MAGI2: variants seen among roughly 807,000 people sequenced by gnomAD.
MAGI2 encodes membrane associated guanylate kinase, WW and PDZ domain containing 2.
Under a neutral mutation model 133.3 loss-of-function variants are expected in MAGI2, and 35 were observed. The observed-to-expected ratio is 0.26, with a 90% CI of 0.20 to 0.35. The LOEUF (loss-of-function observed/expected upper bound fraction) is 0.35. Ranked by LOEUF, MAGI2 falls within the 10% of genes least tolerant of loss-of-function variation. The probability of loss-of-function intolerance (pLI) is 1.00; values close to 1 mark genes in which losing one functional copy is unlikely to be tolerated. For missense variants in MAGI2, 1,636 were observed against 1,863.4 expected, an observed-to-expected ratio of 0.88 and a Z score of 2.25; for synonymous variants, 729 against 710.6, an observed-to-expected ratio of 1.03 and a Z score of -0.41.
intron 1 of MAGI2, among the ~76,000 whole-genome samples, chr7:79,249,900 C>T (rs958201230): frequency 6.6e-6 from 1 of 152,000 alleles, no homozygotes; most frequent in East Asian, 1.9e-4. Flanking sequence ...AAATCCTCAA[C>T]AACAACAACA....
intron 2 of MAGI2, among the ~76,000 whole-genome samples, chr7:78,764,601 G>A (rs1563473966): frequency 6.6e-6 from 1 of 152,074 alleles, no homozygotes; most frequent in Non-Finnish European, 1.5e-5. Flanking sequence ...CAATTCAGAT[G>A]CCACTTATTG....
chr7:78,354,609 G>T (rs970579516), intron 7 of MAGI2, among the ~76,000 whole-genome samples: 34 of 152,100 alleles, frequency 2.2e-4, no homozygotes, highest in African/African-American at 8.0e-4. Flanking sequence ...CAAATTCCAG[G>T]TTTCCAAGAC....
At chr7:79,153,638 A>C (rs953370142) in intron 1 of MAGI2, among the ~76,000 whole-genome samples, 3 of 152,204 alleles carry the variant, frequency 2.0e-5, no homozygotes, top group African/African-American at 4.8e-5. Context: ...GAAGTGGGCA[A>C]AAGTATGGCT....
chr7:79,188,393 T>G (rs1312498406), intron 1 of MAGI2, among the ~76,000 whole-genome samples: 1 of 151,886 alleles, frequency 6.6e-6, no homozygotes, highest in Admixed American at 6.6e-5. Flanking sequence ...TTTCTGTTCC[T>G]GAGTTAGTTT....
chr7:79,413,552 C>A (rs1846283406), intron 1 of MAGI2: 1 of 152,154 alleles, frequency 6.6e-6, no homozygotes, highest in African/African-American at 2.4e-5. Flanking sequence ...TGCTGGGGAC[C>A]CACCACTCCT....
intron 10 of MAGI2, among the ~76,000 whole-genome samples, chr7:78,250,111 C>T (rs1384165557): frequency 6.6e-6 from 1 of 151,820 alleles, no homozygotes; most frequent in Non-Finnish European, 1.5e-5. Context: ...ATATATAAAA[C>T]CCTCCAAAAT....
At chr7:78,421,644 A>G (rs918760457) in intron 6 of MAGI2, among the ~76,000 whole-genome samples, 1 of 152,114 alleles carries the variant, frequency 6.6e-6, no homozygotes, top group South Asian at 2.1e-4. Context: ...GAGACCCCAT[A>G]TCTACCAAAT....
At chr7:78,410,397 A>C (rs1199375060) in intron 6 of MAGI2, among the ~76,000 whole-genome samples, 1 of 152,040 alleles carries the variant, frequency 6.6e-6, no homozygotes, top group African/African-American at 2.4e-5. Flanking sequence ...ATTTGTCAAC[A>C]TGTCTTTCTC....
intron 6 of MAGI2, among the ~76,000 whole-genome samples, chr7:78,463,995 T>A (rs570259951): frequency 2.6e-5 from 4 of 152,132 alleles, no homozygotes; most frequent in African/African-American, 9.7e-5. Flanking sequence ...CTCATTTATA[T>A]GTAAAATGGG....
At chr7:78,911,973 A>C (rs904470096) in intron 2 of MAGI2, among the ~76,000 whole-genome samples, 1 of 152,180 alleles carries the variant, frequency 6.6e-6, no homozygotes, top group African/African-American at 2.4e-5. Flanking sequence ...ACGGGAACAC[A>C]GATGGAGATG....
At chr7:78,179,738 G>A (rs1187587630) in intron 13 of MAGI2, among the ~76,000 whole-genome samples, 2 of 152,130 alleles carry the variant, frequency 1.3e-5, no homozygotes, top group African/African-American at 4.8e-5. Flanking sequence ...TATATAATCA[G>A]TCATATTTTA....
Position 79,186,891 on chromosome 7 carries a change from CTAAA to C in MAGI2, c.302-179689_302-179686del, listed in dbSNP as rs376587877. Reference sequence around the variant, plus strand: ...ATTCAGTTTATATCACATTAAACACCTAAATATTTTGAAATATGATGCTCTTGAG... The same window carrying C: ...ATTCAGTTTATATCACATTAAACACCTATTTTGAAATATGATGCTCTTGAG... On this transcript the variant is annotated intron_variant, in intron 1 of 21. Transcript: ENST00000354212. Among the ~76,000 whole-genome samples the C allele has an allele frequency of 8.6e-3, 1,293 of 149,992 alleles. 3 individuals carry two copies. The highest frequency in any genetic ancestry group is 0.014 in the Non-Finnish European group (924 of 67,456).
chr7:79,327,553 G>T (rs1461465206), intron 1 of MAGI2, among the ~76,000 whole-genome samples: 1 of 152,070 alleles, frequency 6.6e-6, no homozygotes, highest in Non-Finnish European at 1.5e-5. Context: ...AATCATGACA[G>T]GATTATGGTT....
chr7:78,223,696 C>T (rs1187303653), intron 10 of MAGI2, among the ~76,000 whole-genome samples: 1 of 152,040 alleles, frequency 6.6e-6, no homozygotes, highest in Admixed American at 6.5e-5. Context: ...CACAAGCCTC[C>T]CTATTTTATG....
At chr7:78,402,132 T>C (rs1796928815) in intron 6 of MAGI2, among the ~76,000 whole-genome samples, 1 of 152,196 alleles carries the variant, frequency 6.6e-6, no homozygotes, top group South Asian at 2.1e-4. Flanking sequence ...CCCATTACTA[T>C]GTATTCCTTG....
chr7:78,135,925 G>T (rs6950518), intron 16 of MAGI2, among the ~76,000 whole-genome samples: 4 of 151,952 alleles, frequency 2.6e-5, no homozygotes, highest in African/African-American at 4.8e-5. Context: ...CAATGCCATG[G>T]ATGGTAAGAC....
At chr7:79,033,995 G>A (rs1010024333) in intron 1 of MAGI2, among the ~76,000 whole-genome samples, 3 of 151,974 alleles carry the variant, frequency 2.0e-5, no homozygotes, top group African/African-American at 7.2e-5. Flanking sequence ...TTAATTTTTA[G>A]TATATTTTTT....
intron 2 of MAGI2, among the ~76,000 whole-genome samples, chr7:78,944,391 G>A (rs936528698): frequency 1.3e-5 from 2 of 152,150 alleles, no homozygotes; most frequent in African/African-American, 4.8e-5. Context: ...GGTGTGTTAG[G>A]ATAGACATAA....
intron 1 of MAGI2, among the ~76,000 whole-genome samples, chr7:79,302,934 A>C (rs2129559845): frequency 6.6e-6 from 1 of 152,350 alleles, no homozygotes; most frequent in Non-Finnish European, 1.5e-5. Context: ...TAGAGGATGT[A>C]CTGGTAGTCA....
Sources: allele counts gnomAD v4.1 joint callset (sites outside exome capture counted in the v4.1 genomes callset), GRCh38; gene constraint gnomAD v4.1.1; transcripts MANE v1.5; gene names NCBI Gene and HGNC (gene_info 2026-07-23, HGNC 2026-07-21).